The following UNC79 variants were observed in gnomAD, a reference collection of about 807,000 sequenced individuals.
UNC79 encodes unc-79 subunit of NALCN channel complex.
A neutral mutation model predicts 283.1 loss-of-function variants in UNC79; 37 were observed. The observed-to-expected ratio is 0.13, with a 90% confidence interval of 0.10 to 0.17. The LOEUF is 0.17. Ranked by LOEUF, UNC79 falls within the 10% of genes least tolerant of loss-of-function variation. The probability of loss-of-function intolerance (pLI) is 1.00; values close to 1 mark genes in which losing one functional copy is unlikely to be tolerated. For synonymous variants in UNC79, 1,107 were observed against 1,200.2 expected (o/e 0.92, Z 1.61); for missense variants, 2,272 against 3,211.1 (o/e 0.71, Z 7.07).
intron 23 of UNC79, among the ~76,000 whole-genome samples, chr14:93,596,512 G>A (rs938450291): frequency 1.3e-5 from 2 of 152,198 alleles, no homozygotes; most frequent in African/African-American, 4.8e-5. Context: ...GTGCCTGCCT[G>A]TAATCCCAGC....
intron 5 of UNC79, among the ~76,000 whole-genome samples, chr14:93,488,392 T>C (rs1444865375): frequency 6.6e-6 from 1 of 152,222 alleles, no homozygotes; most frequent in Non-Finnish European, 1.5e-5. Flanking sequence ...GTCAGTATAA[T>C]TGCAGATAAC....
intron 47 of UNC79, among the ~76,000 whole-genome samples, chr14:93,702,659 T>A (rs913747763): frequency 6.6e-6 from 1 of 152,166 alleles, no homozygotes; most frequent in Non-Finnish European, 1.5e-5. Context: ...CTGTCCCCCA[T>A]CCCAAAAAGC....
Position 93,639,372 on chromosome 14 carries a change from C to A in UNC79, c.5801-1773C>A, listed in dbSNP as rs190316441. 1.2e-4 allele frequency among the ~76,000 whole-genome samples: 18 copies of A among 152,304 alleles called. No individual in the cohort carries two copies. In the East Asian group the frequency reaches 3.1e-3, roughly 26 times the overall value. Reference sequence around the variant, plus strand: ...TTTTCTGTGTGTTGGTTTCTTGAAGCAACTTCATGCGGTTTACCGTGCTAT... The same window carrying A: ...TTTTCTGTGTGTTGGTTTCTTGAAGAAACTTCATGCGGTTTACCGTGCTAT... On this transcript the variant is annotated intron_variant, in intron 32 of 48. Coordinates refer to ENST00000555664, the Ensembl canonical transcript of UNC79.
At chr14:93,540,578 G>T in intron 12 of UNC79, 82 bp from the exon 13 acceptor site, 1 of 1,491,630 alleles carries the variant, frequency 6.7e-7, no homozygotes, top group Non-Finnish European at 9.0e-7. Flanking sequence ...TTGAGTACTC[G>T]TGAGGTACTT....
At chr14:93,413,090 A>G (rs1328228997) in intron 1 of UNC79, among the ~76,000 whole-genome samples, 1 of 151,976 alleles carries the variant, frequency 6.6e-6, no homozygotes, top group East Asian at 1.9e-4. Context: ...TGTGCAGGTT[A>G]GTTACATATG....
chr14:93,661,737 T>C (rs188021220), intron 39 of UNC79, among the ~76,000 whole-genome samples: 2 of 152,308 alleles, frequency 1.3e-5, no homozygotes, highest in Non-Finnish European at 2.9e-5. Flanking sequence ...GCTTTACATA[T>C]ATTATCTCTT....
chr14:93,639,684 G>A (rs1268584145), intron 32 of UNC79, among the ~76,000 whole-genome samples: 2 of 152,214 alleles, frequency 1.3e-5, no homozygotes, highest in East Asian at 1.9e-4. Context: ...ATTTGCAAAT[G>A]TTCTTCTTAT....
At chr14:93,526,533 T>G (rs1317616559) in intron 8 of UNC79, among the ~76,000 whole-genome samples, 2 of 152,192 alleles carry the variant, frequency 1.3e-5, no homozygotes, top group African/African-American at 4.8e-5. Flanking sequence ...GTTAATTGAA[T>G]TTTCTTTTTT....
At chr14:93,650,799 C>G (rs2070166128) in intron 35 of UNC79, among the ~76,000 whole-genome samples, 1 of 152,160 alleles carries the variant, frequency 6.6e-6, no homozygotes, top group African/African-American at 2.4e-5. Context: ...AATTCTAATG[C>G]ATTAAAACAA....
intron 13 of UNC79, among the ~76,000 whole-genome samples, chr14:93,541,947 G>T (rs994816810): frequency 5.5e-5 from 8 of 145,202 alleles, no homozygotes; most frequent in Non-Finnish European, 1.0e-4. Flanking sequence ...GGAGCTTGCA[G>T]TGAGCCGAGA....
chr14:93,474,138 A>G lies in UNC79; in HGVS notation c.193A>G (p.Thr65Ala), dbSNP rs537520130. ...GGAAAACCAAGATGCCTCCAATTTG[A>G]CAGTGCCCATGACCATGTGTCTTTT... Residue 65 changes from threonine (T) to alanine (A), a missense_variant, in exon 3 of 49, where the codon ACA (threonine) becomes GCA (alanine). Coordinates refer to ENST00000555664, the Ensembl canonical transcript of UNC79. This position sits in a 1 kb window ranked among gnomAD's most constrained non-coding sequence, Gnocchi z 4.1. The G allele has an allele frequency of 1.5e-5, 23 of 1,535,982 alleles. No homozygotes were observed. In the South Asian group the frequency reaches 2.3e-4, roughly 15 times the overall value.
Position 93,340,208 on chromosome 14 carries a change from C to T in UNC79, c.-351+6685C>T, listed in dbSNP as rs538318518. 8.6e-4 allele frequency among the ~76,000 whole-genome samples: 131 copies of T among 152,212 alleles called. 1 individual carries two copies. Among genetic ancestry groups the T allele is most frequent in the African/African-American group, 3.0e-3 (123 of 41,550 alleles). On this transcript the variant is annotated intron_variant, in intron 1 of 49. Transcript: ENST00000256339. ...CTGTAATCCCAGCACTTTGGTAGGCCAAGGTGGGCGGATCGCGAGGTCAGG... is the reference window on the plus strand; with the variant it reads ...CTGTAATCCCAGCACTTTGGTAGGCTAAGGTGGGCGGATCGCGAGGTCAGG...
At chr14:93,603,365 C>A in exon 26 of UNC79, 1 of 1,614,188 alleles carries the variant, frequency 6.2e-7, no homozygotes, top group Non-Finnish European at 8.5e-7. Flanking sequence ...GTGAAAGGGC[C>A]TGTGGAATCC....
intron 26 of UNC79, among the ~76,000 whole-genome samples, chr14:93,611,249 T>G (rs771951465): frequency 6.6e-6 from 1 of 152,202 alleles, no homozygotes; most frequent in South Asian, 2.1e-4. Flanking sequence ...CATGAACAGA[T>G]TGTATGAGGC....
chr14:93,473,973 G>T (rs1421616774), intron 2 of UNC79, 116 bp from the exon 3 acceptor site: 5 of 1,287,362 alleles, frequency 3.9e-6, no homozygotes, highest in Non-Finnish European at 5.2e-6. Flanking sequence ...CGTGGCAATT[G>T]CATCTTATGT....
At chr14:93,553,346 G>A (rs576736480) in intron 14 of UNC79, among the ~76,000 whole-genome samples, 1 of 152,248 alleles carries the variant, frequency 6.6e-6, no homozygotes, top group East Asian at 1.9e-4. Context: ...TCTCCTATTT[G>A]TTTAGTCCAT....
intron 5 of UNC79, among the ~76,000 whole-genome samples, chr14:93,492,597 G>T (rs1477665950): frequency 6.6e-6 from 1 of 152,044 alleles, no homozygotes; most frequent in Non-Finnish European, 1.5e-5. Flanking sequence ...CAAGTGATCC[G>T]CCTGTCTTGG....
At chr14:93,606,153 T>C (rs1487260821) in intron 26 of UNC79, among the ~76,000 whole-genome samples, 2 of 152,212 alleles carry the variant, frequency 1.3e-5, no homozygotes, top group Non-Finnish European at 2.9e-5. Flanking sequence ...TAGTCTTTCA[T>C]GATAATTATC....
chr14:93,392,711 C>T (rs867184261), intron 1 of UNC79, among the ~76,000 whole-genome samples: 3 of 152,198 alleles, frequency 2.0e-5, no homozygotes, highest in African/African-American at 7.2e-5. Flanking sequence ...TCTTCTCTGA[C>T]ACAGGACTGT....
Sources: allele counts gnomAD v4.1 joint callset (sites outside exome capture counted in the v4.1 genomes callset), GRCh38; gene constraint gnomAD v4.1.1; non-coding constraint Gnocchi (gnomAD v3.1); transcripts MANE v1.5; gene names NCBI Gene and HGNC (gene_info 2026-07-23, HGNC 2026-07-21).